Variants in ACOT7 observed in about 807,000 individuals in gnomAD.
ACOT7 encodes the protein acyl-CoA thioesterase 7.
A neutral mutation model predicts 40.2 loss-of-function variants in ACOT7; 12 were observed. That is an observed-to-expected ratio of 0.30 (90% CI 0.19 to 0.48). The LOEUF is 0.48. Ranked by LOEUF, ACOT7 falls within the 20% of genes least tolerant of loss-of-function variation. The pLI is 0.99. For synonymous variants in ACOT7, 228 were observed against 219.5 expected (o/e 1.04, Z -0.34); for missense variants, 395 against 530.8 (o/e 0.74, Z 2.51).
At chr1:6,273,160 T>C (rs1639084603) in intron 8 of ACOT7, among the ~76,000 whole-genome samples, 1 of 152,192 alleles carries the variant, frequency 6.6e-6, no homozygotes, top group African/African-American at 2.4e-5. Context: ...GAAGGGCCAG[T>C]GTGTGGCTGT....
chr1:6,381,286 C>A (rs926230147), intron 1 of ACOT7, among the ~76,000 whole-genome samples: 1 of 151,166 alleles, frequency 6.6e-6, no homozygotes, highest in Admixed American at 6.6e-5. Context: ...TGTCTATGTT[C>A]AAGTATATGA....
intron 1 of ACOT7, chr1:6,385,474 A>G: frequency 6.2e-7 from 1 of 1,601,468 alleles, no homozygotes; most frequent in Non-Finnish European, 8.5e-7. Flanking sequence ...ATGGGCACAA[A>G]ATATTCCCAG....
Position 6,328,746 on chromosome 1 carries a change from C to T in ACOT7, c.511-1333G>A, listed in dbSNP as rs148817160. ...CACAAAAGCCAAAGCTCCTGAGTCC[C>T]GGGACACAGCAGGGGGATACTGCAT... On this transcript the variant is annotated intron_variant, in intron 4 of 8. Transcript: ENST00000361521. Among the ~76,000 whole-genome samples, 781 of 152,322 alleles carry T rather than the reference C, an allele frequency of 5.1e-3. 5 individuals carry two copies. Among genetic ancestry groups the T allele is most frequent in the Non-Finnish European group, 7.9e-3 (540 of 68,038 alleles).
Position 6,299,699 on chromosome 1 carries a change from G to A in ACOT7, c.713-4719C>T, listed in dbSNP as rs1056374052. 1.3e-5 allele frequency among the ~76,000 whole-genome samples: 2 copies of A among 151,394 alleles called. No individual in the cohort carries two copies. The highest frequency in any genetic ancestry group is 1.9e-4 in the East Asian group (1 of 5,188). On this transcript the variant is annotated intron_variant, in intron 6 of 8. Coordinates refer to ENST00000361521, the MANE Select transcript of ACOT7 (RefSeq NM_007274.4). This position sits in a 1 kb window ranked among gnomAD's most constrained non-coding sequence, Gnocchi z 4.1. ...GTGTGTGTGTGTGTGTGTAGGGCAC[G>A]TGTGTGCGTGTGTTTAAGGGGCTTA... is the stretch of plus-strand genomic sequence containing the variant.
intron 2 of ACOT7, among the ~76,000 whole-genome samples, chr1:6,342,011 C>G (rs930145704): frequency 1.3e-5 from 2 of 152,198 alleles, no homozygotes; most frequent in Non-Finnish European, 2.9e-5. Context: ...GGGGATCATC[C>G]TCTGTAGCTT....
rs1639591576 is a variant in ACOT7, at chr1:6,289,046, GCCACC to G, written c.829+5813_829+5817del. 6.6e-6 allele frequency among the ~76,000 whole-genome samples: 1 copy of G among 152,192 alleles called. No homozygotes were observed. On this transcript the variant is annotated intron_variant, in intron 7 of 8. Coordinates refer to ENST00000361521, the MANE Select transcript of ACOT7 (RefSeq NM_007274.4). The surrounding 1 kb of genome is among the most constrained non-coding windows in gnomAD (Gnocchi z 4.6). ...CACTTCCTGCCTTAAATCTGGAGAAGCCACCCCACAGGTCTGGCGTCTCCATTCCG... is the reference window on the plus strand; with the variant it reads ...CACTTCCTGCCTTAAATCTGGAGAAGCCACAGGTCTGGCGTCTCCATTCCG...
Position 6,383,540 on chromosome 1 carries a change from T to TTG in ACOT7, c.143+9716_143+9717insCA, listed in dbSNP as rs200356686. The stretch of plus-strand genomic sequence containing the variant: ...ATATATTATGTGTATTTTAACACAG[T>TTG]TTTTTTTTTTTTGAGAGACAAGAGT... On this transcript the variant is annotated intron_variant, in intron 1 of 8. Transcript: ENST00000361521. 1.0e-3 allele frequency among the ~76,000 whole-genome samples: 73 copies of TTG among 72,574 alleles called. No homozygotes were observed. In the African/African-American group the frequency reaches 0.016, roughly 16 times the overall value. The allele number at this position is 72,574 out of a possible 152,430, so 47.6% of individuals were successfully genotyped here.
intron 8 of ACOT7, 142 bp from the exon 9 acceptor site, chr1:6,264,837 C>T: frequency 2.5e-6 from 2 of 812,586 alleles, no homozygotes; most frequent in South Asian, 1.8e-5. Flanking sequence ...GCCTCGGCCC[C>T]GCTGGCCTCC....
chr1:6,385,658 C>T (rs1423728541), intron 1 of ACOT7: 3 of 1,611,742 alleles, frequency 1.9e-6, no homozygotes, highest in African/African-American at 2.7e-5. Flanking sequence ...CCCTGGCAAG[C>T]AGCTTCATCC....
chr1:6,351,517 C>T (rs1028964925), intron 1 of ACOT7, among the ~76,000 whole-genome samples: 2 of 152,226 alleles, frequency 1.3e-5, no homozygotes, highest in African/African-American at 2.4e-5. Context: ...TTGTTTTCCA[C>T]TTAGTAGGAA....
In ACOT7 at chr1:6,264,485, C is replaced by CGT; in HGVS notation, c.*111_*112insAC. ...ACTGTGATACGAAAACTTCAGACAA[C>CGT]ACCAGCTCTCAATGTGAATTGGGTT... On this transcript the variant is annotated 3_prime_UTR_variant, in exon 9 of 9. Transcript: ENST00000361521. The CGT allele has an allele frequency of 2.1e-6, 2 of 957,500 alleles. No homozygotes were observed. The highest frequency in any genetic ancestry group is 1.5e-6 in the Non-Finnish European group (1 of 646,508). The allele number at this position is 957,500 out of a possible 1,614,324, so 59.3% of individuals were successfully genotyped here. A position where few individuals can be genotyped will look rare whatever the true frequency, so the allele number is the denominator to read the frequency against.
chr1:6,316,754 G>T (rs1640507927), intron 6 of ACOT7, among the ~76,000 whole-genome samples: 1 of 152,204 alleles, frequency 6.6e-6, no homozygotes, highest in Non-Finnish European at 1.5e-5. Flanking sequence ...AGGATACAGT[G>T]AGACAAGATC....
intron 8 of ACOT7, among the ~76,000 whole-genome samples, chr1:6,276,742 C>T (rs1639203683): frequency 6.6e-6 from 1 of 152,150 alleles, no homozygotes; most frequent in Non-Finnish European, 1.5e-5. Flanking sequence ...AGCTGAAAAT[C>T]CCTCTCCGGG....
intron 8 of ACOT7, among the ~76,000 whole-genome samples, chr1:6,280,891 C>A (rs1456193420): frequency 2.0e-5 from 3 of 152,100 alleles, no homozygotes; most frequent in Admixed American, 6.5e-5. Flanking sequence ...GGCCTACCCG[C>A]TGGTTATGAA....
rs1641615189 is a variant in ACOT7 at position 6,352,384 on chromosome 1, A to C, written c.144-2518T>G. The C allele has an allele frequency of 6.6e-6, 1 of 152,120 alleles. No individual in the cohort carries two copies. Among genetic ancestry groups the C allele is most frequent in the Non-Finnish European group, 1.5e-5 (1 of 68,240 alleles). The allele number at this position is 152,120 out of a possible 1,614,324, so 9.4% of individuals were successfully genotyped here. Reference sequence around the variant, plus strand: ...CTCCCCACCTCCCTCATTCCTTCCAAACAGCTCAGGAACCGCTGGATCCAG... The same window carrying C: ...CTCCCCACCTCCCTCATTCCTTCCACACAGCTCAGGAACCGCTGGATCCAG... On this transcript the variant is annotated intron_variant, in intron 1 of 8. Transcript: ENST00000361521. This position sits in a 1 kb window ranked among gnomAD's most constrained non-coding sequence, Gnocchi z 4.5.
intron 1 of ACOT7, among the ~76,000 whole-genome samples, chr1:6,354,316 G>A (rs1447512746): frequency 6.6e-6 from 1 of 152,204 alleles, no homozygotes; most frequent in Non-Finnish European, 1.5e-5. Context: ...GCCAAGTCCT[G>A]AAGGGTGAGC....
At chr1:6,295,316 G>A (rs993092838) in intron 6 of ACOT7, 2 of 193,738 alleles carry the variant, frequency 1.0e-5, no homozygotes, top group Admixed American at 5.4e-5. Context: ...AGAACAGCAC[G>A]TGCTGGCGAG....
chr1:6,364,871 A>AT (rs1641967862), intron 1 of ACOT7, among the ~76,000 whole-genome samples: 1 of 146,750 alleles, frequency 6.8e-6, no homozygotes, highest in Non-Finnish European at 1.5e-5. Flanking sequence ...AAAAAAAAAA[A>AT]AATTAGCCAG....
At chr1:6,319,274 C>T (rs780495425) in intron 5 of ACOT7, among the ~76,000 whole-genome samples, 31 of 152,228 alleles carry the variant, frequency 2.0e-4, no homozygotes, top group Non-Finnish European at 3.8e-4. Flanking sequence ...CTCACTGTAG[C>T]CTCCGCCTCC....
Sources: allele counts gnomAD v4.1 joint callset (sites outside exome capture counted in the v4.1 genomes callset), GRCh38; gene constraint gnomAD v4.1.1; non-coding constraint Gnocchi (gnomAD v3.1); transcripts MANE v1.5; gene names NCBI Gene and HGNC (gene_info 2026-07-23, HGNC 2026-07-21).